GRAMD4: variants seen among roughly 807,000 people sequenced by gnomAD.
The protein encoded by GRAMD4 is GRAM domain containing 4.
GRAMD4 carries 25 observed loss-of-function variants against 83.9 expected under a neutral mutation model. The observed-to-expected ratio is 0.30, with a 90% CI of 0.22 to 0.42. The LOEUF is 0.42. Among genes scored for constraint, GRAMD4 ranks in the 10% least tolerant of loss-of-function variants. The pLI is 1.00. For synonymous variants in GRAMD4, 336 were observed against 320.9 expected (o/e 1.05, Z -0.50); for missense variants, 593 against 788.7 (o/e 0.75, Z 2.97).
chr22:46,669,670 G>A (rs1353814621), intron 13 of GRAMD4, among the ~76,000 whole-genome samples: 1 of 151,534 alleles, frequency 6.6e-6, no homozygotes, highest in African/African-American at 2.4e-5. Context: ...CCGCCTCCCG[G>A]GTTCAAGTGA....
chr22:46,681,739 A>AT (rs1481977587), downstream of GRAMD4, among the ~76,000 whole-genome samples: 2 of 152,216 alleles, frequency 1.3e-5, no homozygotes. Flanking sequence ...GGTTCTCTTC[A>AT]TAGGTACTTG....
chr22:46,620,268 G>C, upstream of GRAMD4: 2 of 979,294 alleles, frequency 2.0e-6, no homozygotes, highest in South Asian at 9.4e-5. This position sits in a 1 kb window ranked among gnomAD's most constrained non-coding sequence, Gnocchi z 4.7. Flanking sequence ...AGGGCTGGCT[G>C]GCCCAATTCC....
intron 15 of GRAMD4, among the ~76,000 whole-genome samples, chr22:46,674,115 C>G (rs1448625378): frequency 6.6e-6 from 1 of 152,248 alleles, no homozygotes; most frequent in Non-Finnish European, 1.5e-5. Context: ...TCAGGGCCTG[C>G]AGGGCGCTGG....
At chr22:46,602,774 T>TTTTTTTTTTTTTTC (rs2081324183) in intron 1 of GRAMD4, among the ~76,000 whole-genome samples, 1 of 149,722 alleles carries the variant, frequency 6.7e-6, no homozygotes, top group Non-Finnish European at 1.5e-5. Context: ...TTTTTTTTTT[T>TTTTTTTTTTTTTTC]TTTTGAGGCA....
chr22:46,658,402 T>G (rs930008009), intron 4 of GRAMD4, 95 bp downstream of exon 4: 2 of 1,235,660 alleles, frequency 1.6e-6, no homozygotes, highest in Non-Finnish European at 2.2e-6. Flanking sequence ...CATAGCGTCT[T>G]GGCAGCATCA....
In GRAMD4 at chr22:46,622,504, G is replaced by T. The variant is rs2081589916; in HGVS notation, c.-50+1939G>T. 6.6e-6 allele frequency among the ~76,000 whole-genome samples: 1 copy of T among 152,114 alleles called. No individual in the cohort carries two copies. Among genetic ancestry groups the T allele is most frequent in the Non-Finnish European group, 1.5e-5 (1 of 68,036 alleles). ...AAAAATGGTGGTTACCGGGGGCTTG[G>T]GGAGGGCATGGGAGTTCCTATTCAG... On this transcript the variant is annotated intron_variant, in intron 1 of 18. Transcript: ENST00000406902. The surrounding 1 kb of genome is among the most constrained non-coding windows in gnomAD (Gnocchi z 4.0).
intron 1 of GRAMD4, among the ~76,000 whole-genome samples, chr22:46,601,622 C>G (rs1037269743): frequency 6.6e-6 from 1 of 151,878 alleles, no homozygotes; most frequent in Non-Finnish European, 1.5e-5. Context: ...ACGGTGAAAC[C>G]CCATCTCTAC....
chr22:46,673,741 T>G lies in GRAMD4; in HGVS notation c.1311T>G (p.Gly437=), dbSNP rs1440858930. 1.2e-6 allele frequency: 2 copies of G among 1,612,796 alleles called. No homozygotes were observed. Among genetic ancestry groups the G allele is most frequent in the Non-Finnish European group, 1.7e-6 (2 of 1,179,920 alleles). The part of the protein sequence containing the change: ...PAGLGKEEDA[G]RFHSTKKGNF... ...GCCTGGGTAAAGAGGAGGACGCCGGTCGCTTCCACAGCACCAAGAAGGGCA... is the reference window on the plus strand; with the variant it reads ...GCCTGGGTAAAGAGGAGGACGCCGGGCGCTTCCACAGCACCAAGAAGGGCA... Residue 437 remains glycine, a synonymous_variant, in exon 15 of 19, where the codon GGT becomes GGG. Coordinates refer to ENST00000406902, the MANE Select transcript of GRAMD4 (RefSeq NM_015124.5).
intron 1 of GRAMD4, among the ~76,000 whole-genome samples, chr22:46,590,176 G>C (rs111415224): frequency 6.6e-6 from 1 of 152,204 alleles, no homozygotes; most frequent in African/African-American, 2.4e-5. Context: ...CTACTGGGCC[G>C]CCTGGACAGC....
rs191770823 is a variant in GRAMD4, at chr22:46,578,086, C to T, written c.-50+796C>T. Among the ~76,000 whole-genome samples, 23 of 152,306 alleles carry T rather than the reference C, an allele frequency of 1.5e-4. No individual in the cohort carries two copies. In the East Asian group the frequency reaches 3.3e-3, roughly 22 times the overall value. ...GGGCCAGGGACCTGAGTGTGACTCC[C>T]CCAGAGCCAAGTCCACTTTTTCGGC... On this transcript the variant is annotated intron_variant, in intron 1 of 1. Transcript: ENST00000431155.
chr22:46,582,851 A>T (rs1413163658), intron 1 of GRAMD4, among the ~76,000 whole-genome samples: 1 of 152,156 alleles, frequency 6.6e-6, no homozygotes, highest in Non-Finnish European at 1.5e-5. Flanking sequence ...CGAAACCCAA[A>T]CAGGAACCTG....
chr22:46,575,852 C>G (rs1018539079), upstream of GRAMD4, among the ~76,000 whole-genome samples: 1 of 152,232 alleles, frequency 6.6e-6, no homozygotes, highest in Non-Finnish European at 1.5e-5. Flanking sequence ...GTTCTGCAGA[C>G]AGGAACCTGA....
chr22:46,677,085 G>A (rs2082610671), intron 18 of GRAMD4, 62 bp from the exon 19 acceptor site: 1 of 1,601,738 alleles, frequency 6.2e-7, no homozygotes, highest in African/African-American at 1.3e-5. Flanking sequence ...CTTCGTCTCG[G>A]TCCTGGTCCT....
chr22:46,677,302 C>CT lies in GRAMD4; in HGVS notation c.*64dup, dbSNP rs375658129. 0.038 allele frequency: 46,912 copies of CT among 1,247,708 alleles called. No individual in the cohort carries two copies. The highest frequency in any genetic ancestry group is 0.061 in the South Asian group (4,114 of 67,974). The allele number at this position is 1,247,708 out of a possible 1,614,324, so 77.3% of individuals were successfully genotyped here. On this transcript the variant is annotated 3_prime_UTR_variant, in exon 19 of 19. Transcript: ENST00000406902. ...GAATTTTCTTTTTCTTTTTCTTTTT[C>CT]TTTTTTTTTTTTTACGATTTGGTAG...
intron 3 of GRAMD4, among the ~76,000 whole-genome samples, chr22:46,654,210 T>C (rs1156653052): frequency 6.6e-6 from 1 of 152,206 alleles, no homozygotes; most frequent in Non-Finnish European, 1.5e-5. Context: ...TGGGCCAAGA[T>C]GCCCAGGCTC....
chr22:46,598,958 G>T (rs2081286886), intron 1 of GRAMD4, among the ~76,000 whole-genome samples: 2 of 152,090 alleles, frequency 1.3e-5, no homozygotes, highest in African/African-American at 2.4e-5. Context: ...GTTGGGGGTG[G>T]TGGGACTGTG....
At chr22:46,608,034 GC>G (rs1315735364) in intron 1 of GRAMD4, among the ~76,000 whole-genome samples, 6 of 152,202 alleles carry the variant, frequency 3.9e-5, no homozygotes, top group Non-Finnish European at 7.3e-5. Flanking sequence ...GTATCCTTGC[GC>G]TGAGGGTCCT....
intron 1 of GRAMD4, among the ~76,000 whole-genome samples, chr22:46,604,349 G>A (rs7286927): frequency 0.87 from 132,704 of 152,240 alleles, 57,952 homozygotes; most frequent in East Asian, 1. Flanking sequence ...ATTTTCAAAG[G>A]GAGGATCGGT....
chr22:46,675,150 T>C (rs1045514541), intron 16 of GRAMD4, among the ~76,000 whole-genome samples: 2 of 151,114 alleles, frequency 1.3e-5, no homozygotes, highest in Non-Finnish European at 3.0e-5. Flanking sequence ...GTGAATGTCT[T>C]ATGCAGAGCA....
Sources: gnomAD v4.1 joint callset for allele counts (sites outside exome capture counted in the v4.1 genomes callset) on GRCh38, gnomAD v4.1.1 for gene constraint, Gnocchi (gnomAD v3.1) non-coding constraint, MANE v1.5 for transcripts, NCBI Gene and HGNC (gene_info 2026-07-23, HGNC 2026-07-21) for gene names.